The following PARD3B variants were observed in gnomAD, a reference collection of about 807,000 sequenced individuals.
PARD3B encodes par-3 family cell polarity regulator beta.
Under a neutral mutation model 130.2 loss-of-function variants are expected in PARD3B, and 103 were observed. That is an observed-to-expected ratio of 0.79 (90% CI 0.67 to 0.93). The LOEUF (loss-of-function observed/expected upper bound fraction) is 0.93. PARD3B is among the 40% of genes least tolerant of loss of function. The pLI, the probability that PARD3B is intolerant of heterozygous loss-of-function variation, is 0.00. For synonymous variants in PARD3B, 583 were observed against 553.2 expected (o/e 1.05, Z -0.76); for missense variants, 1,609 against 1,499.2 (o/e 1.07, Z -1.21).
chr2:205,577,095 AT>A (rs2053788659), intron 22 of PARD3B, among the ~76,000 whole-genome samples: 1 of 152,184 alleles, frequency 6.6e-6, no homozygotes. Flanking sequence ...GCACTTGTTC[AT>A]TACCAGTGTA....
chr2:204,714,404 G>GT lies in PARD3B; in HGVS notation c.222+28129dup, dbSNP rs558900418. On this transcript the variant is annotated intron_variant, in intron 2 of 22. Coordinates refer to ENST00000406610, the MANE Select transcript of PARD3B (RefSeq NM_001302769.2). ...TTGTTTCCTTGTTTATTTTTTCTGTGTTTTTTTAAATCACAGATTTAAGAT... is the reference window on the plus strand; with the variant it reads ...TTGTTTCCTTGTTTATTTTTTCTGTGTTTTTTTTAAATCACAGATTTAAGAT... Among the ~76,000 whole-genome samples, 14 of 151,774 alleles carry GT rather than the reference G, an allele frequency of 9.2e-5. No homozygotes were observed. In the East Asian group the frequency reaches 1.5e-3, roughly 17 times the overall value.
chr2:205,451,061 A>G (rs1284488032), intron 20 of PARD3B, among the ~76,000 whole-genome samples: 1 of 152,198 alleles, frequency 6.6e-6, no homozygotes, highest in East Asian at 1.9e-4. Context: ...TTGACTGTAA[A>G]CAACAGAAAA....
Position 205,440,769 on chromosome 2 carries a change from T to C in PARD3B, c.3044+97T>C. 1 of 1,288,780 alleles carries C rather than the reference T, an allele frequency of 7.8e-7. No individual in the cohort carries two copies. The highest frequency in any genetic ancestry group is 1.5e-5 in the African/African-American group (1 of 67,158). 79.8% of individuals were successfully genotyped at this position (1,288,780 alleles called of 1,614,324 possible). On this transcript the variant is annotated intron_variant, in intron 20 of 22. Transcript: ENST00000406610. The surrounding 1 kb of genome is among the most constrained non-coding windows in gnomAD (Gnocchi z 4.2). ...GATAAAAAATGTCTCCTTCAATCAA[T>C]TAAAACTGAAACGAGTCAGTACCCT...
chr2:204,890,568 C>T lies in PARD3B; in HGVS notation c.223-74584C>T, dbSNP rs78609172. On this transcript the variant is annotated intron_variant, in intron 2 of 22. Coordinates refer to ENST00000406610, the MANE Select transcript of PARD3B (RefSeq NM_001302769.2). This position sits in a 1 kb window ranked among gnomAD's most constrained non-coding sequence, Gnocchi z 4.9. ...TTTTGGGTACCATCATTGATTTCCA[C>T]CTCCCCCCACCACATCCCCTTATAG... Among the ~76,000 whole-genome samples the T allele has an allele frequency of 0.048, 7,363 of 152,170 alleles. 355 individuals carry two copies. Among genetic ancestry groups the T allele is most frequent in the African/African-American group, 0.12 (4,806 of 41,500 alleles).
At position 204,967,920 on chromosome 2, in the gene PARD3B, G is replaced by A. The variant is rs1012670443; in HGVS notation, c.394+2597G>A. Among the ~76,000 whole-genome samples the A allele has an allele frequency of 5.9e-5, 9 of 152,074 alleles. No individual in the cohort carries two copies. Among genetic ancestry groups the A allele is most frequent in the African/African-American group, 1.7e-4 (7 of 41,406 alleles). ...TGCTTAGGTGAAGAATGGGAGGGGC[G>A]GTGAGAGGAGTTTTGCAGCACCTGT... On this transcript the variant is annotated intron_variant, in intron 3 of 22. Transcript: ENST00000406610. The surrounding 1 kb of genome is among the most constrained non-coding windows in gnomAD (Gnocchi z 4.4).
chr2:204,999,987 A>G (rs887360129), intron 3 of PARD3B, among the ~76,000 whole-genome samples: 3 of 152,004 alleles, frequency 2.0e-5, no homozygotes, highest in African/African-American at 7.3e-5. Flanking sequence ...ATTGTTACCA[A>G]TGAGAAATAT....
chr2:205,014,197 T>C (rs764472271), intron 3 of PARD3B, among the ~76,000 whole-genome samples: 7 of 152,234 alleles, frequency 4.6e-5, no homozygotes, highest in Non-Finnish European at 8.8e-5. Context: ...CTGTCACTAG[T>C]ATCAACCTAA....
chr2:204,870,206 A>C (rs960427745), intron 2 of PARD3B, among the ~76,000 whole-genome samples: 10 of 152,328 alleles, frequency 6.6e-5, no homozygotes, highest in South Asian at 6.2e-4. Flanking sequence ...TTAGATTGAG[A>C]AGCCAGTAAA....
intron 3 of PARD3B, among the ~76,000 whole-genome samples, chr2:204,992,047 A>G (rs1693753858): frequency 6.6e-6 from 1 of 151,932 alleles, no homozygotes; most frequent in African/African-American, 2.4e-5. Context: ...CTCTGATGGT[A>G]GTTTCTTTTG....
At chr2:204,767,158 C>A (rs1257129023) in intron 2 of PARD3B, among the ~76,000 whole-genome samples, 3 of 62,078 alleles carry the variant, frequency 4.8e-5, no homozygotes, top group Admixed American at 1.9e-4. Flanking sequence ...CCTCCCCCGA[C>A]CCCACCACAG....
At chr2:204,850,457 T>C (rs1278322052) in intron 2 of PARD3B, among the ~76,000 whole-genome samples, 3 of 151,814 alleles carry the variant, frequency 2.0e-5, no homozygotes, top group African/African-American at 4.8e-5. Flanking sequence ...GGGTGAACTT[T>C]CTTAATCAGT....
Position 205,281,375 on chromosome 2 carries a change from G to A in PARD3B, c.2186-19155G>A, listed in dbSNP as rs1559618184. ...GGGACCAACTCGAGTGACCCATCTT[G>A]TAGGTCCCACACTGCCTAAGTCATT... is the stretch of plus-strand genomic sequence containing the variant. On this transcript the variant is annotated intron_variant, in intron 16 of 22. Transcript: ENST00000406610. The surrounding 1 kb of genome is among the most constrained non-coding windows in gnomAD (Gnocchi z 4.2). Among the ~76,000 whole-genome samples the A allele has an allele frequency of 6.6e-6, 1 of 152,210 alleles. No individual in the cohort carries two copies. Among genetic ancestry groups the A allele is most frequent in the Non-Finnish European group, 1.5e-5 (1 of 68,032 alleles).
At chr2:205,338,099 G>C (rs1446014288) in intron 18 of PARD3B, among the ~76,000 whole-genome samples, 1 of 145,140 alleles carries the variant, frequency 6.9e-6, no homozygotes, top group Non-Finnish European at 1.5e-5. Flanking sequence ...GTTGCAGTGA[G>C]CTGAGATTGC....
intron 16 of PARD3B, among the ~76,000 whole-genome samples, chr2:205,270,722 G>GT (rs1393908366): frequency 6.6e-6 from 1 of 152,170 alleles, no homozygotes; most frequent in Non-Finnish European, 1.5e-5. Flanking sequence ...CAGATTGGTT[G>GT]TATCTCTGAT....
intron 21 of PARD3B, among the ~76,000 whole-genome samples, chr2:205,542,354 T>TTGTGTGTGTGTGTGTGTG (rs143438143): frequency 3.2e-4 from 46 of 145,206 alleles, no homozygotes; most frequent in African/African-American, 1.1e-3. Flanking sequence ...TAGTTTGTGT[T>TTGTGTGTGTGTGTGTGTG]TGTGTGTGTG....
At position 205,473,526 on chromosome 2, in the gene PARD3B, G is replaced by A. The variant is rs539161628; in HGVS notation, c.3045-26370G>A. On this transcript the variant is annotated intron_variant, in intron 20 of 22. Transcript: ENST00000406610. This position sits in a 1 kb window ranked among gnomAD's most constrained non-coding sequence, Gnocchi z 4.9. ...TTTCTGCTGCCTGACAGTAGGGCACGTTTCACTCATTAATATGGGTGATAT... is the reference window on the plus strand; with the variant it reads ...TTTCTGCTGCCTGACAGTAGGGCACATTTCACTCATTAATATGGGTGATAT... Among the ~76,000 whole-genome samples the A allele has an allele frequency of 7.6e-4, 115 of 151,562 alleles. 1 individual carries two copies. Among genetic ancestry groups the A allele is most frequent in the South Asian group, 2.5e-3 (12 of 4,800 alleles).
intron 11 of PARD3B, among the ~76,000 whole-genome samples, chr2:205,171,230 CTACCTGAGTG>C (rs1478467090): frequency 6.6e-6 from 1 of 152,186 alleles, no homozygotes; most frequent in Non-Finnish European, 1.5e-5. Flanking sequence ...CAAGCACTTT[CTACCTGAGTG>C]TAGAATAGGT....
chr2:205,068,404 G>A (rs888310074), intron 4 of PARD3B, among the ~76,000 whole-genome samples: 5 of 151,630 alleles, frequency 3.3e-5, no homozygotes, highest in East Asian at 1.9e-4. Flanking sequence ...TTTTCTCTTT[G>A]GTTAATCTTA....
intron 19 of PARD3B, among the ~76,000 whole-genome samples, chr2:205,428,845 G>A (rs1441103339): frequency 6.6e-6 from 1 of 152,090 alleles, no homozygotes; most frequent in Non-Finnish European, 1.5e-5. Context: ...AAAAGGCTGA[G>A]AAATAATAAT....
Sources: allele counts gnomAD v4.1 joint callset (sites outside exome capture counted in the v4.1 genomes callset), GRCh38; gene constraint gnomAD v4.1.1; non-coding constraint Gnocchi (gnomAD v3.1); transcripts MANE v1.5; gene names NCBI Gene and HGNC (gene_info 2026-07-23, HGNC 2026-07-21).